The following TMEM254 variants were observed in gnomAD, a reference collection of about 807,000 sequenced individuals.
TMEM254 encodes the protein transmembrane protein C10orf57.
Under a neutral mutation model 13.9 loss-of-function variants are expected in TMEM254, and 16 were observed. The ratio of observed to expected loss-of-function variants is 1.15; its 90% CI spans 0.78 to 1.75. TMEM254 has a LOEUF of 1.75. TMEM254 is among the 40% of genes most tolerant of loss of function. TMEM254 has a pLI of 0.00. For missense variants in TMEM254, 155 were observed against 149.0 expected, an observed-to-expected ratio of 1.04 and a Z score of -0.21; for synonymous variants, 61 against 56.4, an observed-to-expected ratio of 1.08 and a Z score of -0.36.
chr10:80,090,426 C>T, intron 3 of TMEM254: 1 of 717,580 alleles, frequency 1.4e-6, no homozygotes. Context: ...GCCCAGGTCA[C>T]AGCTGGTAGG....
In TMEM254 at chr10:80,089,027, G is replaced by A. The variant is rs546042347; in HGVS notation, c.252-1770G>A. ...TTTTCTAATTGTCTGATGGTACTTTGTATGAATATAGTCAATTTTTTATAT... is the reference window on the plus strand; with the variant it reads ...TTTTCTAATTGTCTGATGGTACTTTATATGAATATAGTCAATTTTTTATAT... On this transcript the variant is annotated intron_variant, in intron 3 of 3. Coordinates refer to ENST00000372281, the MANE Select transcript of TMEM254 (RefSeq NM_025125.4). Among the ~76,000 whole-genome samples the A allele has an allele frequency of 1.5e-3, 222 of 151,726 alleles. 3 individuals carry two copies. Among genetic ancestry groups the A allele is most frequent in the African/African-American group, 5.0e-3 (206 of 41,440 alleles).
At chr10:80,079,198 T>TG (rs772680590) in intron 1 of TMEM254, 40 of 322,460 alleles carry the variant, frequency 1.2e-4, no homozygotes, top group Non-Finnish European at 2.0e-4. Flanking sequence ...AGGCGTGGGG[T>TG]GGGGCGGGGC....
intron 2 of TMEM254, 34 bp downstream of exon 2, chr10:80,081,978 T>C: frequency 6.2e-7 from 1 of 1,604,014 alleles, no homozygotes; most frequent in Non-Finnish European, 8.5e-7. Flanking sequence ...CTGTGGACAC[T>C]GGAGCTCTGG....
rs111337575 is a variant in TMEM254 at position 80,083,258 on chromosome 10, C to T, written c.251+1054C>T. On this transcript the variant is annotated intron_variant, in intron 3 of 3. Transcript: ENST00000372281. The stretch of plus-strand genomic sequence containing the variant: ...AGCTAGGATTACAGAAGCCCACCAC[C>T]ATGCCTGGCTAATTTTTGTATTTTT... Among the ~76,000 whole-genome samples, 727 of 152,068 alleles carry T rather than the reference C, an allele frequency of 4.8e-3. 11 individuals carry two copies. Among genetic ancestry groups the T allele is most frequent in the African/African-American group, 0.017 (688 of 41,484 alleles).
At chr10:80,079,284 C>G (rs1843833303) in intron 1 of TMEM254, 18 of 1,212,718 alleles carry the variant, frequency 1.5e-5, no homozygotes, top group Non-Finnish European at 1.9e-5. Context: ...GCACGCGCAT[C>G]TGACGGTTGT....
At chr10:80,084,109 AC>A (rs1467378634) in intron 3 of TMEM254, among the ~76,000 whole-genome samples, 3 of 152,132 alleles carry the variant, frequency 2.0e-5, no homozygotes, top group South Asian at 2.1e-4. Context: ...TTAAAAAAAA[AC>A]AATAAACAGC....
intron 1 of TMEM254, among the ~76,000 whole-genome samples, chr10:80,079,956 G>T (rs759190859): frequency 1.3e-5 from 2 of 152,184 alleles, no homozygotes; most frequent in Non-Finnish European, 2.9e-5. Context: ...GAAGGAAGGC[G>T]AAGCTATTTG....
At chr10:80,086,399 C>G (rs1257548384) in intron 3 of TMEM254, 1 of 420,410 alleles carries the variant, frequency 2.4e-6, no homozygotes, top group Non-Finnish European at 4.2e-6. Flanking sequence ...GGCAACTCAT[C>G]TTTATTTTTC....
At position 80,078,708 on chromosome 10, in the gene TMEM254, G is replaced by A; in HGVS notation, c.9G>A (p.Thr3=). The part of the protein sequence containing the change: MA[T]AAGATYFQRG... ...GGGGAGGTGTTGCAGCCATGGCTAC[G>A]GCAGCCGGCGCGACCTACTTTCAGC... is the stretch of plus-strand genomic sequence containing the variant. The change falls in exon 1 of 4, where the codon ACG becomes ACA. Residue 3 remains threonine, a synonymous_variant. Coordinates refer to ENST00000372281, the MANE Select transcript of TMEM254 (RefSeq NM_025125.4). 1.2e-6 allele frequency: 2 copies of A among 1,601,990 alleles called. No homozygotes were observed. Among genetic ancestry groups the A allele is most frequent in the South Asian group, 1.1e-5 (1 of 89,574 alleles).
chr10:80,081,349 G>A (rs1844012208), intron 1 of TMEM254, among the ~76,000 whole-genome samples: 1 of 152,102 alleles, frequency 6.6e-6, no homozygotes, highest in Non-Finnish European at 1.5e-5. Flanking sequence ...CTCAGCATAA[G>A]TCTCCCAGTA....
At chr10:80,090,655 A>G in intron 3 of TMEM254, 142 bp from the exon 4 acceptor site, 1 of 743,614 alleles carries the variant, frequency 1.3e-6, no homozygotes, top group Non-Finnish European at 2.2e-6. Context: ...ACCATCCAAG[A>G]TAAGCCAGAG....
chr10:80,079,878 A>G (rs1440304120), intron 1 of TMEM254, among the ~76,000 whole-genome samples: 2 of 152,136 alleles, frequency 1.3e-5, no homozygotes, highest in Non-Finnish European at 1.5e-5. Context: ...TTGTGTTTTT[A>G]GTAGACATGG....
intron 1 of TMEM254, 130 bp downstream of exon 1, chr10:80,078,916 A>G: frequency 1.3e-6 from 2 of 1,521,068 alleles, no homozygotes; most frequent in Non-Finnish European, 1.8e-6. Context: ...GCGCGCTAGG[A>G]GCGGAGGGGA....
chr10:80,088,900 C>A lies in TMEM254; in HGVS notation c.252-1897C>A, dbSNP rs78560037. On this transcript the variant is annotated intron_variant, in intron 3 of 3. Coordinates refer to ENST00000372281, the MANE Select transcript of TMEM254 (RefSeq NM_025125.4). ...GGCCTGAGCCACCACACCTGGCCAA[C>A]TTTTGTTGTTGTTTTTGTTTTTGTT... Among the ~76,000 whole-genome samples the A allele has an allele frequency of 2.3e-3, 345 of 151,314 alleles. 2 individuals carry two copies. The highest frequency in any genetic ancestry group is 8.1e-3 in the African/African-American group (335 of 41,310).
chr10:80,088,583 C>T, intron 3 of TMEM254, among the ~76,000 whole-genome samples: 1 of 151,268 alleles, frequency 6.6e-6, no homozygotes, highest in South Asian at 2.1e-4. Context: ...ATTGTTGTTA[C>T]ATTAATTTCC....
chr10:80,079,086 A>G, intron 1 of TMEM254: 1 of 1,398,742 alleles, frequency 7.1e-7, no homozygotes, highest in Non-Finnish European at 9.5e-7. Flanking sequence ...TTTCAAGAGG[A>G]TGGTGAAGTC....
chr10:80,081,674 A>C, intron 1 of TMEM254, 167 bp from the exon 2 acceptor site: 1 of 1,435,728 alleles, frequency 7.0e-7, no homozygotes. Flanking sequence ...TCAAAAAAAA[A>C]AGAAAGAAAG....
intron 3 of TMEM254, among the ~76,000 whole-genome samples, chr10:80,086,960 T>C (rs1418850889): frequency 6.6e-6 from 1 of 152,088 alleles, no homozygotes; most frequent in Non-Finnish European, 1.5e-5. Context: ...TATATATGCC[T>C]GTTTTAAATT....
Position 80,082,521 on chromosome 10 carries a change from A to G in TMEM254, c.251+317A>G, listed in dbSNP as rs112283548. 4.5e-3 allele frequency among the ~76,000 whole-genome samples: 686 copies of G among 152,336 alleles called. 9 individuals are homozygous for G. Among genetic ancestry groups the G allele is most frequent in the African/African-American group, 0.016 (650 of 41,574 alleles). The stretch of plus-strand genomic sequence containing the variant: ...AATAGGAGCCTGGCTTCTAGTTTAC[A>G]AAAGAGCTAAGTGACTGACCTAGGC... On this transcript the variant is annotated intron_variant, in intron 3 of 3. Transcript: ENST00000372281.
Sources: gnomAD v4.1 joint callset for allele counts (sites outside exome capture counted in the v4.1 genomes callset) on GRCh38, gnomAD v4.1.1 for gene constraint, MANE v1.5 for transcripts, NCBI Gene and HGNC (gene_info 2026-07-23, HGNC 2026-07-21) for gene names.